MYCBP2: variants seen among roughly 807,000 people sequenced by gnomAD.
MYCBP2 encodes the protein MYC binding protein 2, also known as E3 ubiquitin-protein ligase MYCBP2.
MYCBP2 carries 120 observed loss-of-function variants against 525.3 expected under a neutral mutation model. That is an observed-to-expected ratio of 0.23 (90% CI 0.20 to 0.27). MYCBP2 has a LOEUF of 0.27. Ranked by LOEUF, MYCBP2 falls within the 10% of genes least tolerant of loss-of-function variation. The probability of loss-of-function intolerance (pLI) is 1.00; values close to 1 mark genes in which losing one functional copy is unlikely to be tolerated. For missense variants in MYCBP2, 4,149 were observed against 5,657.1 expected, an observed-to-expected ratio of 0.73 and a Z score of 8.55; for synonymous variants, 1,894 against 1,955.8, an observed-to-expected ratio of 0.97 and a Z score of 0.83.
At chr13:77,296,212 G>A (rs544857024) in intron 2 of MYCBP2, among the ~76,000 whole-genome samples, 71 of 152,164 alleles carry the variant, frequency 4.7e-4, no homozygotes, top group Non-Finnish European at 8.4e-4. Context: ...TTGAGCCCAC[G>A]AGTTCGAGAC....
At chr13:77,253,785 G>A (rs957476175) in intron 14 of MYCBP2, among the ~76,000 whole-genome samples, 1 of 151,916 alleles carries the variant, frequency 6.6e-6, no homozygotes, top group African/African-American at 2.4e-5. Flanking sequence ...ACAAAAATCA[G>A]TCTGTCAATA....
Position 77,278,768 on chromosome 13 carries a change from A to G in MYCBP2, c.738T>C (p.Pro246=). 1 of 1,548,664 alleles carries G rather than the reference A, an allele frequency of 6.5e-7. No homozygotes were observed. ...AGCCTTGGCTCTTACCTAGGACCTC[A>G]GGTGGCTCAGACTGGAGGCCTTCTG... The part of the protein sequence containing the change: ...QQPEGLQSEP[P]EVLESLFQLL... The change falls in exon 4 of 83, where the codon CCT becomes CCC. Residue 246 remains proline (P), a synonymous_variant. Transcript: ENST00000544440.
At chr13:77,046,485 G>A (rs1426351112) in intron 82 of MYCBP2, among the ~76,000 whole-genome samples, 1 of 152,088 alleles carries the variant, frequency 6.6e-6, no homozygotes, top group East Asian at 1.9e-4. Flanking sequence ...ACCTTTTCTA[G>A]GTTTAAAAAC....
rs761886276 is a variant in MYCBP2 at position 77,190,278 on chromosome 13, C to T, written c.4128G>A (p.Ala1376=). 18 of 1,607,632 alleles carry T rather than the reference C, an allele frequency of 1.1e-5. No individual in the cohort carries two copies. The highest frequency in any genetic ancestry group is 1.7e-4 in the Middle Eastern group (1 of 6,026). The change falls in exon 29 of 83, where the codon GCG becomes GCA. Residue 1376 remains alanine, a synonymous_variant. Coordinates refer to ENST00000544440, the MANE Select transcript of MYCBP2 (RefSeq NM_015057.5). ...KKSNNGTDVN[A]GQIPQLLYRL... ...TGTATAATAACTGAGGTATCTGACC[C>T]GCATTAACATCTGTACCATTATTTG...
intron 1 of MYCBP2, among the ~76,000 whole-genome samples, chr13:77,310,596 A>G (rs2080067973): frequency 6.6e-6 from 1 of 152,206 alleles, no homozygotes; most frequent in Non-Finnish European, 1.5e-5. Flanking sequence ...ATATGATATC[A>G]AACAGTATCA....
chr13:77,132,190 T>G (rs1707843482), intron 52 of MYCBP2, among the ~76,000 whole-genome samples: 1 of 152,118 alleles, frequency 6.6e-6, no homozygotes, highest in Non-Finnish European at 1.5e-5. Context: ...GTTAATATTA[T>G]TGAGATTAAA....
At position 77,058,900 on chromosome 13, in the gene MYCBP2, G is replaced by A. The variant is rs936707062; in HGVS notation, c.13141-494C>T. On this transcript the variant is annotated intron_variant, in intron 77 of 82. Transcript: ENST00000544440. This position sits in a 1 kb window ranked among gnomAD's most constrained non-coding sequence, Gnocchi z 4.1. Reference sequence around the variant, plus strand: ...CTTAGGAAGCTGAGGCAGGAGAATCGCTTGAACCCGGGAGGCGGAGGTTGC... The same window carrying A: ...CTTAGGAAGCTGAGGCAGGAGAATCACTTGAACCCGGGAGGCGGAGGTTGC... 6.6e-6 allele frequency among the ~76,000 whole-genome samples: 1 copy of A among 152,026 alleles called. No homozygotes were observed. The highest frequency in any genetic ancestry group is 1.5e-5 in the Non-Finnish European group (1 of 68,006).
At chr13:77,109,484 T>C (rs2048415672) in intron 55 of MYCBP2, among the ~76,000 whole-genome samples, 1 of 152,324 alleles carries the variant, frequency 6.6e-6, no homozygotes, top group East Asian at 1.9e-4. Context: ...GGGTTGGACA[T>C]CCCTGCTCTA....
chr13:77,130,786 T>A (rs1296031750), intron 52 of MYCBP2, among the ~76,000 whole-genome samples: 1 of 152,162 alleles, frequency 6.6e-6, no homozygotes, highest in East Asian at 1.9e-4. Context: ...ATATCACTTT[T>A]TTTTAGCGTA....
intron 27 of MYCBP2, among the ~76,000 whole-genome samples, chr13:77,193,009 G>C (rs1214535454): frequency 6.6e-6 from 1 of 152,046 alleles, no homozygotes; most frequent in Non-Finnish European, 1.5e-5. Context: ...TGCGACTGTA[G>C]TCCCAACTAC....
chr13:77,267,738 G>A, intron 8 of MYCBP2, 103 bp downstream of exon 8: 1 of 892,762 alleles, frequency 1.1e-6, no homozygotes, highest in Non-Finnish European at 1.8e-6. Context: ...CCTTTTATAA[G>A]CAAGCACTAT....
rs140096667 is a variant in MYCBP2 at position 77,102,982 on chromosome 13, T to C, written c.8141-3969A>G. ...TTTTAAAATTAAGTAAGAGTAATGTTTAACCTATAGATGTAATAAACATGC... is the reference window on the plus strand; with the variant it reads ...TTTTAAAATTAAGTAAGAGTAATGTCTAACCTATAGATGTAATAAACATGC... On this transcript the variant is annotated intron_variant, in intron 55 of 82. Coordinates refer to ENST00000544440, the MANE Select transcript of MYCBP2 (RefSeq NM_015057.5). Among the ~76,000 whole-genome samples the C allele has an allele frequency of 9.6e-3, 1,455 of 152,168 alleles. 25 individuals are homozygous for C. Among genetic ancestry groups the C allele is most frequent in the African/African-American group, 0.033 (1,359 of 41,544 alleles).
At chr13:77,235,414 A>C (rs2067765834) in intron 17 of MYCBP2, among the ~76,000 whole-genome samples, 1 of 152,122 alleles carries the variant, frequency 6.6e-6, no homozygotes, top group Non-Finnish European at 1.5e-5. Context: ...AAGCATAAAG[A>C]TATTAAACAA....
At chr13:77,130,071 A>AC in intron 52 of MYCBP2, among the ~76,000 whole-genome samples, 2 of 151,868 alleles carry the variant, frequency 1.3e-5, no homozygotes, top group African/African-American at 4.8e-5. Context: ...AATGATATAC[A>AC]TTTTCGTAGT....
At chr13:77,101,300 G>A (rs2047024564) in intron 55 of MYCBP2, among the ~76,000 whole-genome samples, 2 of 152,044 alleles carry the variant, frequency 1.3e-5, no homozygotes, top group South Asian at 4.1e-4. Flanking sequence ...CTAACAAATA[G>A]GAAGGGTTCG....
chr13:77,187,390 G>A (rs923211634), intron 30 of MYCBP2, among the ~76,000 whole-genome samples: 6 of 152,178 alleles, frequency 3.9e-5, no homozygotes, highest in Admixed American at 1.3e-4. Context: ...GGCTCTTTTG[G>A]AAGGTCAACT....
At chr13:77,050,649 G>A (rs558855080) in intron 82 of MYCBP2, among the ~76,000 whole-genome samples, 25 of 145,946 alleles carry the variant, frequency 1.7e-4, no homozygotes, top group East Asian at 4.1e-4. Context: ...TCCAGGCTTC[G>A]TTAAAAAAAA....
At chr13:77,306,111 A>G (rs138066103) in intron 1 of MYCBP2, among the ~76,000 whole-genome samples, 214 of 152,318 alleles carry the variant, frequency 1.4e-3, no homozygotes, top group Non-Finnish European at 2.4e-3. Flanking sequence ...GTAGATAATT[A>G]TATTTATAGA....
At chr13:77,178,468 C>T (rs888945950) in intron 34 of MYCBP2, among the ~76,000 whole-genome samples, 1 of 152,166 alleles carries the variant, frequency 6.6e-6, no homozygotes, top group African/African-American at 2.4e-5. Flanking sequence ...GGTCTATACC[C>T]TAAGATTGAA....
Sources: gnomAD v4.1 joint callset for allele counts (sites outside exome capture counted in the v4.1 genomes callset) on GRCh38, gnomAD v4.1.1 for gene constraint, Gnocchi (gnomAD v3.1) non-coding constraint, MANE v1.5 for transcripts, NCBI Gene and HGNC (gene_info 2026-07-23, HGNC 2026-07-21) for gene names.